MDGA2: variants seen among roughly 807,000 people sequenced by gnomAD.
The protein encoded by MDGA2 is MAM domain containing glycosylphosphatidylinositol anchor 2.
Under a neutral mutation model 117.8 loss-of-function variants are expected in MDGA2, and 40 were observed. The ratio of observed to expected loss-of-function variants is 0.34; its 90% confidence interval spans 0.26 to 0.44. The LOEUF is 0.44. MDGA2 is among the 20% of genes least tolerant of loss of function. The pLI, the probability that MDGA2 is intolerant of heterozygous loss-of-function variation, is 1.00. For synonymous variants in MDGA2, 452 were observed against 439.0 expected, an observed-to-expected ratio of 1.03 and a Z score of -0.37; for missense variants, 1,123 against 1,250.6, an observed-to-expected ratio of 0.90 and a Z score of 1.54.
intron 9 of MDGA2, among the ~76,000 whole-genome samples, chr14:46,937,217 C>T (rs901126129): frequency 6.7e-6 from 1 of 149,868 alleles, no homozygotes; most frequent in South Asian, 2.1e-4. Context: ...CCCCGACACC[C>T]CCCCCAACAC....
chr14:46,862,438 T>G (rs1881548430), intron 14 of MDGA2, among the ~76,000 whole-genome samples: 1 of 149,048 alleles, frequency 6.7e-6, no homozygotes, highest in Non-Finnish European at 1.5e-5. Flanking sequence ...AACTATAATT[T>G]GCATAAATAA....
At chr14:47,165,021 T>A (rs1295628744) in intron 3 of MDGA2, among the ~76,000 whole-genome samples, 1 of 152,016 alleles carries the variant, frequency 6.6e-6, no homozygotes, top group Non-Finnish European at 1.5e-5. Context: ...AAACGCCACA[T>A]GTTCTCACTC....
chr14:47,065,689 CA>C (rs1040215154), intron 6 of MDGA2, among the ~76,000 whole-genome samples: 5 of 151,786 alleles, frequency 3.3e-5, no homozygotes, highest in African/African-American at 9.7e-5. Context: ...ATTGACAGAA[CA>C]AAAAAAGACA....
intron 8 of MDGA2, among the ~76,000 whole-genome samples, chr14:46,969,974 A>ATATATATC (rs1182921749): frequency 7.0e-6 from 1 of 143,352 alleles, no homozygotes; most frequent in Non-Finnish European, 1.5e-5. Flanking sequence ...ATATATATAT[A>ATATATATC]TATGGAATAA....
intron 9 of MDGA2, among the ~76,000 whole-genome samples, chr14:46,954,346 G>A (rs1322862676): frequency 1.3e-5 from 2 of 151,986 alleles, no homozygotes; most frequent in Admixed American, 1.3e-4. Flanking sequence ...CTTTGAAATA[G>A]TGAGTTGTAA....
chr14:47,318,200 A>G (rs949738583), intron 1 of MDGA2, among the ~76,000 whole-genome samples: 4 of 111,390 alleles, frequency 3.6e-5, no homozygotes, highest in Admixed American at 8.5e-5. Context: ...CCCTTACTCA[A>G]GAATCTTCAA....
At chr14:47,424,036 C>A (rs1262979673) in intron 1 of MDGA2, among the ~76,000 whole-genome samples, 3 of 152,100 alleles carry the variant, frequency 2.0e-5, no homozygotes, top group Non-Finnish European at 4.4e-5. Flanking sequence ...TGGTCTCGAA[C>A]TTCTGACCTC....
chr14:47,437,784 T>C (rs1400330008), intron 1 of MDGA2, among the ~76,000 whole-genome samples: 3 of 152,152 alleles, frequency 2.0e-5, no homozygotes, highest in Admixed American at 6.5e-5. Flanking sequence ...CAAATTTTGG[T>C]ATTTCAGTCC....
At chr14:46,901,951 C>T (rs1299634340) in intron 10 of MDGA2, among the ~76,000 whole-genome samples, 1 of 152,182 alleles carries the variant, frequency 6.6e-6, no homozygotes, top group Non-Finnish European at 1.5e-5. Context: ...ATGAGGATGA[C>T]TTTTAAGCAA....
At chr14:47,429,297 C>T (rs1252343043) in intron 1 of MDGA2, among the ~76,000 whole-genome samples, 1 of 151,654 alleles carries the variant, frequency 6.6e-6, no homozygotes, top group Admixed American at 6.6e-5. Flanking sequence ...TATATACACA[C>T]ATATATATTT....
At chr14:47,044,874 T>C (rs570154817) in intron 7 of MDGA2, among the ~76,000 whole-genome samples, 153 of 152,272 alleles carry the variant, frequency 1.0e-3, no homozygotes, top group Non-Finnish European at 1.7e-3. Flanking sequence ...GGAAATCTTA[T>C]TAGAACGGCA....
chr14:47,226,146 A>T (rs916794299), intron 2 of MDGA2, among the ~76,000 whole-genome samples: 1 of 151,158 alleles, frequency 6.6e-6, no homozygotes, highest in Non-Finnish European at 1.5e-5. Flanking sequence ...AAAATAAAAA[A>T]ATTTCCTAGC....
chr14:47,614,101 T>TC (rs1203699712), intron 1 of MDGA2, among the ~76,000 whole-genome samples: 1 of 146,734 alleles, frequency 6.8e-6, no homozygotes, highest in African/African-American at 2.5e-5. Flanking sequence ...TTTTCTTTTT[T>TC]TTTTTTTTTT....
At chr14:47,210,942 T>G (rs1885859880) in intron 3 of MDGA2, among the ~76,000 whole-genome samples, 1 of 152,132 alleles carries the variant, frequency 6.6e-6, no homozygotes, top group African/African-American at 2.4e-5. Context: ...ATGATTGTAC[T>G]GCTGCACTGG....
In MDGA2 at chr14:47,144,888, G is replaced by A. The variant is rs576526929; in HGVS notation, c.596-614C>T. On this transcript the variant is annotated intron_variant, in intron 3 of 16. Coordinates refer to ENST00000399232, the MANE Select transcript of MDGA2 (RefSeq NM_001113498.3). Reference sequence around the variant, plus strand: ...TGGTCTTAAACTCCTGGCTTCAAGCGATCCTCCCACCTCAGTCTCCCAAAG... The same window carrying A: ...TGGTCTTAAACTCCTGGCTTCAAGCAATCCTCCCACCTCAGTCTCCCAAAG... 4.8e-5 allele frequency among the ~76,000 whole-genome samples: 7 copies of A among 146,432 alleles called. No individual in the cohort carries two copies. The Admixed American group carries it at 4.9e-4, about 10-fold the overall frequency.
At chr14:47,117,471 T>C (rs1470866953) in intron 5 of MDGA2, among the ~76,000 whole-genome samples, 1 of 152,188 alleles carries the variant, frequency 6.6e-6, no homozygotes. Context: ...TGCAGCTCTG[T>C]TCACTACAGT....
intron 1 of MDGA2, among the ~76,000 whole-genome samples, chr14:47,474,633 C>A (rs939091735): frequency 2.6e-5 from 4 of 152,240 alleles, no homozygotes; most frequent in Middle Eastern, 3.4e-3. Context: ...GGTCCAAAAA[C>A]AGACCCATGG....
In MDGA2 at chr14:47,461,269, A is replaced by ATGTGTG. The variant is rs55889646; in HGVS notation, c.281-159725_281-159720dup. On this transcript the variant is annotated intron_variant, in intron 1 of 16. Transcript: ENST00000399232. ...CATGTAGTCCAAGTTAAAAAAATGT[A>ATGTGTG]TGTGTGTGTGTGTGTGTGTGTGTGT... is the stretch of plus-strand genomic sequence containing the variant. 2.2e-3 allele frequency among the ~76,000 whole-genome samples: 316 copies of ATGTGTG among 142,930 alleles called. 2 individuals are homozygous for ATGTGTG. The highest frequency in any genetic ancestry group is 0.018 in the Middle Eastern group (5 of 278). The allele number at this position is 142,930 out of a possible 152,430, so 93.8% of individuals were successfully genotyped here.
chr14:47,296,874 A>AT (rs1889092039), intron 2 of MDGA2, among the ~76,000 whole-genome samples: 1 of 152,226 alleles, frequency 6.6e-6, no homozygotes, highest in Non-Finnish European at 1.5e-5. Flanking sequence ...TACTCACAGC[A>AT]AAACTCAGTG....
Sources: allele counts gnomAD v4.1 joint callset (sites outside exome capture counted in the v4.1 genomes callset), GRCh38; gene constraint gnomAD v4.1.1; transcripts MANE v1.5; gene names NCBI Gene and HGNC (gene_info 2026-07-23, HGNC 2026-07-21).